SIX5: variants seen among roughly 807,000 people sequenced by gnomAD.
SIX5 encodes homeobox protein SIX5.
SIX5 carries 21 observed loss-of-function variants against 37.1 expected under a neutral mutation model. The ratio of observed to expected loss-of-function variants is 0.57; its 90% CI spans 0.40 to 0.81. The LOEUF (loss-of-function observed/expected upper bound fraction) is 0.81, where lower values mean the gene tolerates loss of function less well. Ranked by LOEUF, SIX5 falls within the 40% of genes least tolerant of loss-of-function variation. The pLI, the probability that SIX5 is intolerant of heterozygous loss-of-function variation, is 0.00. For synonymous variants in SIX5, 626 were observed against 505.9 expected, an observed-to-expected ratio of 1.24 and a Z score of -3.19; for missense variants, 1,137 against 1,025.1, an observed-to-expected ratio of 1.11 and a Z score of -1.49.
At chr19:45,767,268 G>A (rs1334914591) in intron 1 of SIX5, 113 bp from the exon 2 acceptor site, 2 of 1,156,514 alleles carry the variant, frequency 1.7e-6, no homozygotes, top group East Asian at 2.6e-5. Context: ...GATCATTCCA[G>A]GGGTTATGAC....
chr19:45,768,972 C>A lies in SIX5; in HGVS notation c.-128G>T, dbSNP rs546454204. ...CTTCTCGATCTTCTTTCTGGCCGAC[C>A]CTGCGCCCCACGCCGGGAAGGCGAG... On this transcript the variant is annotated 5_prime_UTR_variant, in exon 1 of 3. Coordinates refer to ENST00000317578, the MANE Select transcript of SIX5 (RefSeq NM_175875.5). 7 of 935,074 alleles carry A rather than the reference C, an allele frequency of 7.5e-6. No individual in the cohort carries two copies. Among genetic ancestry groups the A allele is most frequent in the Non-Finnish European group, 9.5e-6 (6 of 631,182 alleles). The allele number at this position is 935,074 out of a possible 1,614,324, so 57.9% of individuals were successfully genotyped here.
Position 45,769,127 on chromosome 19 carries a change from G to A in SIX5, c.-283C>T. 2.1e-6 allele frequency: 1 copy of A among 474,928 alleles called. No individual in the cohort carries two copies. The allele number at this position is 474,928 out of a possible 1,614,324, so 29.4% of individuals were successfully genotyped here. ...TGCCTCCCCCCAGCGTGTGCTTCTG[G>A]CTCAGGGCCTCAGTTTCCCCATCGG... On this transcript the variant is annotated 5_prime_UTR_variant, in exon 1 of 3. Coordinates refer to ENST00000317578, the MANE Select transcript of SIX5 (RefSeq NM_175875.5).
In SIX5 at chr19:45,767,082, G is replaced by A. The variant is rs939927957; in HGVS notation, c.877C>T (p.Pro293Ser). ...SPEDLERGAA[P>S]VSAEAAAQGS... ...TGGGCAGCGGCCTCGGCGGACACTG[G>A]GGCCGCCCCTCTCTCCAGGTCCTCA... Residue 293 changes from proline to serine, a missense_variant, in exon 2 of 3, where the codon CCA becomes TCA. Pro to Ser is a moderately conservative substitution (Grantham distance 74). Coordinates refer to ENST00000317578, the MANE Select transcript of SIX5 (RefSeq NM_175875.5). 1.9e-6 allele frequency: 3 copies of A among 1,609,614 alleles called. No individual in the cohort carries two copies. Among genetic ancestry groups the A allele is most frequent in the Admixed American group, 1.7e-5 (1 of 59,950 alleles).
chr19:45,766,915 C>T lies in SIX5; in HGVS notation c.1044G>A (p.Leu348=), dbSNP rs1379257209. The T allele has an allele frequency of 6.4e-6, 10 of 1,559,476 alleles. No individual in the cohort carries two copies. The South Asian group carries it at 8.2e-5, about 13-fold the overall frequency. Residue 348 remains leucine (L), a synonymous_variant, in exon 2 of 3, where the codon CTG becomes CTA. Transcript: ENST00000317578. ...CCAGGCTGGAGGCCTCGCCCAGGGCCAGGCCGTTGATGATGACGGGGCCCC... is the reference window on the plus strand; with the variant it reads ...CCAGGCTGGAGGCCTCGCCCAGGGCTAGGCCGTTGATGATGACGGGGCCCC... The part of the protein sequence containing the change: ...LNGGPVIING[L]ALGEASSLGP...
chr19:45,768,392 GGGGCGGCTCTC>G lies in SIX5; in HGVS notation c.442_452del (p.Glu148LeufsTer20), dbSNP rs1568565808. 1 of 1,575,782 alleles carries G rather than the reference GGGGCGGCTCTC, an allele frequency of 6.3e-7. No individual in the cohort carries two copies. The highest frequency in any genetic ancestry group is 8.6e-7 in the Non-Finnish European group (1 of 1,167,094). On this transcript the variant is annotated frameshift_variant, in exon 1 of 3. Transcript: ENST00000317578. LOFTEE classifies it high-confidence loss of function. The stretch of plus-strand genomic sequence containing the variant: ...GGAAGGCGTGGTGGGCGGCGGGGAA[GGGGCGGCTCTC>G]GAGTAGCCGGTAGAGCTCGGCGTAC...
At chr19:45,766,232 C>T in intron 2 of SIX5, 118 bp downstream of exon 2, 1 of 1,496,864 alleles carries the variant, frequency 6.7e-7, no homozygotes, top group Non-Finnish European at 9.0e-7. Context: ...CCTTGGGGCA[C>T]TGGGACTTGC....
Position 45,768,221 on chromosome 19 carries a change from G to A in SIX5, c.624C>T (p.Phe208=), listed in dbSNP as rs140161317. The change falls in exon 1 of 3, where the codon TTC becomes TTT. Residue 208 remains phenylalanine (F), a synonymous_variant. Transcript: ENST00000317578. ...TGAGCGCTGCGCGGGAGCGCTCCTT[G>A]AAGCAGTAGACTGTCTCCTCGCCGT... ...IWDGEETVYC[F]KERSRAALKA... is the part of the protein sequence containing the mutation. The A allele has an allele frequency of 1.6e-4, 252 of 1,613,248 alleles. No homozygotes were observed. In the African/African-American group the frequency reaches 3.2e-3, roughly 20 times the overall value.
Position 45,765,948 on chromosome 19 carries a change from C to T in SIX5, c.1773G>A (p.Thr591=), listed in dbSNP as rs138916954. The change falls in exon 3 of 3, where the codon ACG becomes ACA. Residue 591 remains threonine (T), a synonymous_variant. Transcript: ENST00000317578. ...PGLALPLKPE[T]AISVPEGGLP... is the part of the protein sequence containing the mutation. Reference sequence around the variant, plus strand: ...GGCCTCCCTCAGGCACGGAGATGGCCGTCTCTGGCTTCAGTGGCAGGGCCA... The same window carrying T: ...GGCCTCCCTCAGGCACGGAGATGGCTGTCTCTGGCTTCAGTGGCAGGGCCA... 5.6e-6 allele frequency: 9 copies of T among 1,596,040 alleles called. No individual in the cohort carries two copies. Among genetic ancestry groups the T allele is most frequent in the Middle Eastern group, 1.7e-4 (1 of 5,994 alleles).
Position 45,769,070 on chromosome 19 carries a change from T to A in SIX5, c.-226A>T, listed in dbSNP as rs1969168553. The A allele has an allele frequency of 4.1e-6, 2 of 490,328 alleles. No homozygotes were observed. Among genetic ancestry groups the A allele is most frequent in the East Asian group, 3.6e-5 (1 of 28,156 alleles). The allele number at this position is 490,328 out of a possible 1,614,324, so 30.4% of individuals were successfully genotyped here. A position where few individuals can be genotyped will look rare whatever the true frequency, so the allele number is the denominator to read the frequency against. ...CCTCCCGTCTGTCTGTGATTCTCCC[T>A]TTGTTTTCCCTCCGCCTCTGGCCGC... On this transcript the variant is annotated 5_prime_UTR_variant, in exon 1 of 3. It adds an upstream start codon to the 5' untranslated region. Coordinates refer to ENST00000317578, the MANE Select transcript of SIX5 (RefSeq NM_175875.5).
rs753721697 is a variant in SIX5, at chr19:45,766,610, G to C, written c.1349C>G (p.Ala450Gly). ...TGGGGAGAGCGGTACCACTTGTGGG[G>C]CAGCCACAGCAGGCACTGGCCCCGG... ...LPPGPVPAVA[A>G]PQVVPLSPPP... Residue 450 changes from alanine to glycine, a missense_variant, in exon 2 of 3, where the codon GCC becomes GGC. By Grantham distance (60) the Ala-to-Gly change is moderately conservative. This residue lies in a region of SIX5 where 787 missense variants were observed against 621.4 expected (regional missense o/e 1.27). Coordinates refer to ENST00000317578, the MANE Select transcript of SIX5 (RefSeq NM_175875.5). The C allele has an allele frequency of 6.8e-7, 1 of 1,468,636 alleles. No individual in the cohort carries two copies. Among genetic ancestry groups the C allele is most frequent in the Admixed American group, 2.5e-5 (1 of 40,100 alleles). 91.0% of individuals were successfully genotyped at this position (1,468,636 alleles called of 1,614,324 possible).
In SIX5 at chr19:45,769,212, A is replaced by T. The variant is rs894291572; in HGVS notation, c.-368T>A. ...CTAAGGGCGCGAAGCCTCCGCCCCGAGACTGAGCTTCTGCACGCCTCCGTC... is the reference window on the plus strand; with the variant it reads ...CTAAGGGCGCGAAGCCTCCGCCCCGTGACTGAGCTTCTGCACGCCTCCGTC... On this transcript the variant is annotated 5_prime_UTR_variant, in exon 1 of 3. Transcript: ENST00000317578. 4.4e-6 allele frequency: 1 copy of T among 227,492 alleles called. No homozygotes were observed. The highest frequency in any genetic ancestry group is 2.3e-5 in the African/African-American group (1 of 43,808). 14.1% of individuals were successfully genotyped at this position (227,492 alleles called of 1,614,324 possible).
Position 45,765,533 on chromosome 19 carries a change from A to G in SIX5, c.2188T>C (p.Ser730Pro). 6.2e-7 allele frequency: 1 copy of G among 1,613,428 alleles called. No individual in the cohort carries two copies. The highest frequency in any genetic ancestry group is 8.5e-7 in the Non-Finnish European group (1 of 1,180,002). The change falls in exon 3 of 3, where the codon TCG (serine) becomes CCG (proline). Residue 730 changes from serine to proline, a missense_variant. By Grantham distance (74) the Ser-to-Pro change is moderately conservative. Coordinates refer to ENST00000317578, the MANE Select transcript of SIX5 (RefSeq NM_175875.5). ...AEAKVLTQLQ[S>P]VPVEEPLEL ...TCCAAGGGCTCCTCCACAGGCACCG[A>G]CTGGAGCTGGGTCAGAACCTTGGCC...
At chr19:45,766,167 G>A (rs774703348) in intron 2 of SIX5, 56 bp from the exon 3 acceptor site, 4 of 1,576,070 alleles carry the variant, frequency 2.5e-6, no homozygotes, top group Non-Finnish European at 3.4e-6. Flanking sequence ...GGCCAAGCCA[G>A]AGAGAAGTGG....
At position 45,766,109 on chromosome 19, in the gene SIX5, T is replaced by A; in HGVS notation, c.1612A>T (p.Asn538Tyr). 1 of 1,611,150 alleles carries A rather than the reference T, an allele frequency of 6.2e-7. No individual in the cohort carries two copies. Among genetic ancestry groups the A allele is most frequent in the Non-Finnish European group, 8.5e-7 (1 of 1,178,948 alleles). Residue 538 changes from asparagine (N) to tyrosine (Y), a missense_variant and splice_region_variant, in exon 3 of 3, where the codon AAC becomes TAC. Physicochemically the swap from Asn to Tyr is moderately radical, Grantham distance 143 (BLOSUM62 -2). Transcript: ENST00000317578. ...LQLPSATAPG[N>Y]FLLANPVSGS... The stretch of plus-strand genomic sequence containing the variant: ...GACACAGGGTTGGCCAGGAGGAAGT[T>A]TCCTGTGGGGAGAGAGGGACCGAGC...
Position 45,768,620 on chromosome 19 carries a change from C to T in SIX5, c.225G>A (p.Glu75=). Residue 75 remains glutamate (E), a synonymous_variant, in exon 1 of 3, where the codon GAG becomes GAA. Transcript: ENST00000317578. The part of the protein sequence containing the change: ...GSPGVPGSPP[E]AASEPPTGLR... ...GGCCCGTGGGCGGTTCGGAAGCGGC[C>T]TCGGGGGGCGACCCGGGGACGCCCG... The T allele has an allele frequency of 1.3e-5, 15 of 1,122,648 alleles. No individual in the cohort carries two copies. Among genetic ancestry groups the T allele is most frequent in the Non-Finnish European group, 1.6e-5 (15 of 910,338 alleles). The allele number at this position is 1,122,648 out of a possible 1,614,324, so 69.5% of individuals were successfully genotyped here.
At chr19:45,767,858 G>C (rs1969112153) in intron 1 of SIX5, 184 bp downstream of exon 1, 7 of 612,662 alleles carry the variant, frequency 1.1e-5, no homozygotes, top group Middle Eastern at 8.8e-4. Context: ...GAGAGGGCCC[G>C]GGCGGGTGCC....
At position 45,768,629 on chromosome 19, in the gene SIX5, C is replaced by A. The variant is rs1403908273; in HGVS notation, c.216G>T (p.Ser72=). 4.0e-6 allele frequency: 3 copies of A among 753,242 alleles called. No individual in the cohort carries two copies. The highest frequency in any genetic ancestry group is 5.9e-5 in the Admixed American group (1 of 16,842). 46.7% of individuals were successfully genotyped at this position (753,242 alleles called of 1,614,324 possible). Reference sequence around the variant, plus strand: ...GCGGTTCGGAAGCGGCCTCGGGGGGCGACCCGGGGACGCCCGGGGATCCCG... The same window carrying A: ...GCGGTTCGGAAGCGGCCTCGGGGGGAGACCCGGGGACGCCCGGGGATCCCG... ...EGPGSPGVPG[S]PPEAASEPPT... is the part of the protein sequence containing the mutation. The change falls in exon 1 of 3, where the codon TCG becomes TCT. Residue 72 remains serine, a synonymous_variant. Coordinates refer to ENST00000317578, the MANE Select transcript of SIX5 (RefSeq NM_175875.5).
In SIX5 at chr19:45,765,428, G is replaced by A. The variant is rs1306849119; in HGVS notation, c.*73C>T. ...GGGGTCTTCAGCAACCGCATTTCTG[G>A]GGCTCCCCCCTCCCATTCCTGTCCC... On this transcript the variant is annotated 3_prime_UTR_variant, in exon 3 of 3. Transcript: ENST00000317578. 5.0e-6 allele frequency: 8 copies of A among 1,606,400 alleles called. No homozygotes were observed. Among genetic ancestry groups the A allele is most frequent in the Non-Finnish European group, 6.8e-6 (8 of 1,176,556 alleles).
Position 45,767,116 on chromosome 19 carries a change from G to GA in SIX5, c.842_843insT (p.Arg282ProfsTer4), listed in dbSNP as rs751993578. On this transcript the variant is annotated frameshift_variant, in exon 2 of 3. Transcript: ENST00000317578. LOFTEE classifies it high-confidence loss of function. ...CTCTCTCCAGGTCCTCAGGACTTCG[G>GA]CTGGACTCGTCCTCAGTCGTGGGAT... 1 of 1,612,290 alleles carries GA rather than the reference G, an allele frequency of 6.2e-7. No individual in the cohort carries two copies. Among genetic ancestry groups the GA allele is most frequent in the South Asian group, 1.1e-5 (1 of 91,068 alleles).
Sources: allele counts gnomAD v4.1 joint callset, GRCh38; gene constraint gnomAD v4.1.1; regional missense constraint gnomAD v4.1.1; transcripts MANE v1.5; gene names NCBI Gene and HGNC (gene_info 2026-07-23, HGNC 2026-07-21).